ZBTB47: variants seen among roughly 807,000 people sequenced by gnomAD.
ZBTB47 encodes zinc finger and BTB domain-containing protein 47.
ZBTB47 carries 24 observed loss-of-function variants against 56.6 expected under a neutral mutation model. The ratio of observed to expected loss-of-function variants is 0.42; its 90% CI spans 0.31 to 0.60. The LOEUF (loss-of-function observed/expected upper bound fraction) is 0.60, where lower values mean the gene tolerates loss of function less well. ZBTB47 is among the 20% of genes least tolerant of loss of function. The pLI, the probability that ZBTB47 is intolerant of heterozygous loss-of-function variation, is 0.14. For missense variants in ZBTB47, 829 were observed against 1,032.6 expected (o/e 0.80, Z 2.70); for synonymous variants, 414 against 418.9 (o/e 0.99, Z 0.14).
rs764241871 is a variant in ZBTB47 at position 42,658,690 on chromosome 3, G to T, written c.335G>T (p.Arg112Leu). 1.3e-6 allele frequency: 2 copies of T among 1,536,126 alleles called. No homozygotes were observed. The highest frequency in any genetic ancestry group is 8.7e-7 in the Non-Finnish European group (1 of 1,146,828). The change falls in exon 2 of 6, where the codon CGC becomes CTC. Residue 112 changes from arginine (R) to leucine (L), a missense_variant. Coordinates refer to ENST00000232974, the MANE Select transcript of ZBTB47 (RefSeq NM_145166.4). Reference protein sequence around the residue: ...AASCQELLDARSLGPPGPGTV... With the variant: ...AASCQELLDALSLGPPGPGTV... ...TCCTGCCAAGAGCTGCTGGACGCCC[G>T]CTCTCTAGGCCCACCAGGTCCGGGC...
In ZBTB47 at chr3:42,659,362, G is replaced by T; in HGVS notation, c.1007G>T (p.Gly336Val). The change falls in exon 2 of 6, where the codon GGG (glycine) becomes GTG (valine). Residue 336 changes from glycine (G) to valine (V), a missense_variant. By Grantham distance (109) the Gly-to-Val change is moderately radical (BLOSUM62 -3). Around this residue, in one of 6 missense-constraint regions of ZBTB47, gnomAD observed 359 missense variants for 359.8 expected, o/e 1.00. Coordinates refer to ENST00000232974, the MANE Select transcript of ZBTB47 (RefSeq NM_145166.4). ...GAAGAGGAGGAGGAAGAGGAGGAAG[G>T]GCCTAGTGAGCAGGATCAAGAGAGC... ...EEEEEEEEEE[G>V]PSEQDQESSE... is the part of the protein sequence containing the mutation. The T allele has an allele frequency of 1.4e-6, 2 of 1,439,458 alleles. No individual in the cohort carries two copies. Among genetic ancestry groups the T allele is most frequent in the Non-Finnish European group, 1.8e-6 (2 of 1,084,234 alleles). The allele number at this position is 1,439,458 out of a possible 1,614,324, so 89.2% of individuals were successfully genotyped here. A position where few individuals can be genotyped will look rare whatever the true frequency, so the allele number is the denominator to read the frequency against.
rs1710613923 is a variant in ZBTB47 at position 42,654,595 on chromosome 3, G to T, written c.-82+712G>T. The T allele has an allele frequency of 1.2e-6, 1 of 829,484 alleles. No homozygotes were observed. Among genetic ancestry groups the T allele is most frequent in the Non-Finnish European group, 1.5e-6 (1 of 688,888 alleles). The allele number at this position is 829,484 out of a possible 1,614,324, so 51.4% of individuals were successfully genotyped here. On this transcript the variant is annotated intron_variant, in intron 1 of 5. Transcript: ENST00000232974. The surrounding 1 kb of genome is among the most constrained non-coding windows in gnomAD (Gnocchi z 5.0). ...CATGGTCGCGGGGCCCTGCGCGGGG[G>T]CGGCCCCCAGCGCGGCGCTTCATGG... is the stretch of plus-strand genomic sequence containing the variant.
chr3:42,658,801 C>G lies in ZBTB47; in HGVS notation c.446C>G (p.Pro149Arg). ...GACATCAAGCAGGAGGCCGACACCC[C>G]AGGCCTGCCCAAGATCTATGCCCGC... ...YCDIKQEADT[P>R]GLPKIYAREG... Residue 149 changes from proline to arginine, a missense_variant, in exon 2 of 6, where the codon CCA becomes CGA. Pro to Arg is a moderately radical substitution (Grantham distance 103, BLOSUM62 -2). Around this residue, in one of 6 missense-constraint regions of ZBTB47, gnomAD observed 359 missense variants for 359.8 expected, o/e 1.00. Transcript: ENST00000232974. 6.5e-7 allele frequency: 1 copy of G among 1,533,730 alleles called. No individual in the cohort carries two copies. Among genetic ancestry groups the G allele is most frequent in the Admixed American group, 2.0e-5 (1 of 50,780 alleles).
At position 42,664,650 on chromosome 3, in the gene ZBTB47, C is replaced by T; in HGVS notation, c.*52C>T. ...TGGGGCCTGGAGTCAGGGCCCACTC[C>T]AGGAGGGACCCACTGCCTTCCCGGG... On this transcript the variant is annotated 3_prime_UTR_variant, in exon 6 of 6. Coordinates refer to ENST00000232974, the MANE Select transcript of ZBTB47 (RefSeq NM_145166.4). 1 of 1,369,512 alleles carries T rather than the reference C, an allele frequency of 7.3e-7. No homozygotes were observed. The highest frequency in any genetic ancestry group is 9.4e-7 in the Non-Finnish European group (1 of 1,069,064). The allele number at this position is 1,369,512 out of a possible 1,614,324, so 84.8% of individuals were successfully genotyped here.
At position 42,653,847 on chromosome 3, in the gene ZBTB47, C is replaced by T. The variant is rs1710599361; in HGVS notation, c.-118C>T. The T allele has an allele frequency of 1.3e-5, 2 of 152,428 alleles. No individual in the cohort carries two copies. The highest frequency in any genetic ancestry group is 4.8e-5 in the African/African-American group (2 of 41,474). 9.4% of individuals were successfully genotyped at this position (152,428 alleles called of 1,614,324 possible). A position where few individuals can be genotyped will look rare whatever the true frequency, so the allele number is the denominator to read the frequency against. Reference sequence around the variant, plus strand: ...GTTGTAGTCCTGGGATTTAAATCTCCTGCCCTGGGTGGCCCTATGCAGCAT... The same window carrying T: ...GTTGTAGTCCTGGGATTTAAATCTCTTGCCCTGGGTGGCCCTATGCAGCAT... On this transcript the variant is annotated 5_prime_UTR_variant, in exon 1 of 6. Coordinates refer to ENST00000232974, the MANE Select transcript of ZBTB47 (RefSeq NM_145166.4).
chr3:42,660,691 G>A (rs1206785154), intron 2 of ZBTB47, among the ~76,000 whole-genome samples: 1 of 152,134 alleles, frequency 6.6e-6, no homozygotes, highest in Non-Finnish European at 1.5e-5. Flanking sequence ...AGTGTTACCC[G>A]GGGGTCACCT....
chr3:42,659,807 A>G lies in ZBTB47; in HGVS notation c.1452A>G (p.Thr484=). Residue 484 remains threonine (T), a synonymous_variant, in exon 2 of 6, where the codon ACA becomes ACG. Transcript: ENST00000232974. ...LESELLLHRQ[T]DCERNIQCVT... ...GCGAGCTGCTGCTGCACAGGCAGACAGACTGCGAGCGCAACATCCAGGTGG... is the reference window on the plus strand; with the variant it reads ...GCGAGCTGCTGCTGCACAGGCAGACGGACTGCGAGCGCAACATCCAGGTGG... 1 of 1,609,494 alleles carries G rather than the reference A, an allele frequency of 6.2e-7. No homozygotes were observed.
At chr3:42,661,669 A>G (rs1710723629) in intron 3 of ZBTB47, 37 bp downstream of exon 3, 2 of 1,609,540 alleles carry the variant, frequency 1.2e-6, no homozygotes, top group African/African-American at 2.7e-5. Context: ...GCCAGAGGAT[A>G]GAGATGGACC....
chr3:42,661,038 A>T (rs1710710534), intron 2 of ZBTB47, among the ~76,000 whole-genome samples: 1 of 152,150 alleles, frequency 6.6e-6, no homozygotes, highest in South Asian at 2.1e-4. Context: ...TCTTGGCGAT[A>T]TTCATGGTGT....
rs755191804 is a variant in ZBTB47 at position 42,661,550 on chromosome 3, C to T, written c.1539C>T (p.His513=). 1.7e-5 allele frequency: 28 copies of T among 1,613,930 alleles called. No individual in the cohort carries two copies. In the Middle Eastern group the frequency reaches 4.9e-4, roughly 28 times the overall value. Residue 513 remains histidine, a synonymous_variant, in exon 3 of 6, where the codon CAC becomes CAT. Transcript: ENST00000232974. ...WSLHEHNKIV[H]GYAEKKFSCE... is the part of the protein sequence containing the mutation. Reference sequence around the variant, plus strand: ...TCCATGAGCATAACAAGATTGTGCACGGCTACGCAGAGAAGAAGTTCTCAT... The same window carrying T: ...TCCATGAGCATAACAAGATTGTGCATGGCTACGCAGAGAAGAAGTTCTCAT...
chr3:42,661,862 G>A (rs968643900), intron 3 of ZBTB47, among the ~76,000 whole-genome samples: 1 of 152,246 alleles, frequency 6.6e-6, no homozygotes, highest in Non-Finnish European at 1.5e-5. Flanking sequence ...AGGGTGCCTG[G>A]ACAAGATGGC....
chr3:42,654,889 T>C lies in ZBTB47; in HGVS notation c.-82+1006T>C, dbSNP rs1385924350. Reference sequence around the variant, plus strand: ...GCGCTGCTCTCGGTGGGGAGGGGGTTAAATTCCTGTGGTGGGGGCGCCGGC... The same window carrying C: ...GCGCTGCTCTCGGTGGGGAGGGGGTCAAATTCCTGTGGTGGGGGCGCCGGC... On this transcript the variant is annotated intron_variant, in intron 1 of 5. Coordinates refer to ENST00000232974, the MANE Select transcript of ZBTB47 (RefSeq NM_145166.4). This position sits in a 1 kb window ranked among gnomAD's most constrained non-coding sequence, Gnocchi z 5.0. Among the ~76,000 whole-genome samples, 1 of 144,892 alleles carries C rather than the reference T, an allele frequency of 6.9e-6. No homozygotes were observed. The highest frequency in any genetic ancestry group is 2.2e-4 in the South Asian group (1 of 4,518).
intron 3 of ZBTB47, 63 bp downstream of exon 3, chr3:42,661,695 G>A: frequency 6.3e-7 from 1 of 1,587,726 alleles, no homozygotes; most frequent in South Asian, 1.1e-5. Context: ...CTGGCTGGTG[G>A]ATGGGAAAGA....
chr3:42,660,940 G>A (rs1396752104), intron 2 of ZBTB47, among the ~76,000 whole-genome samples: 1 of 152,140 alleles, frequency 6.6e-6, no homozygotes, highest in African/African-American at 2.4e-5. Flanking sequence ...GGGGGATATG[G>A]TCCCCAAGAT....
Position 42,654,306 on chromosome 3 carries a change from G to C in ZBTB47, c.-82+423G>C, listed in dbSNP as rs1020060004. 8 of 150,134 alleles carry C rather than the reference G, an allele frequency of 5.3e-5. No homozygotes were observed. The highest frequency in any genetic ancestry group is 1.7e-4 in the African/African-American group (7 of 41,110). The allele number at this position is 150,134 out of a possible 1,614,324, so 9.3% of individuals were successfully genotyped here. ...AGCAGTGGGGACGGGCTGGGGGCTG[G>C]AGCTGGGGCTGGGGGTGGAGGGCAG... On this transcript the variant is annotated intron_variant, in intron 1 of 5. Coordinates refer to ENST00000232974, the MANE Select transcript of ZBTB47 (RefSeq NM_145166.4). The surrounding 1 kb of genome is among the most constrained non-coding windows in gnomAD (Gnocchi z 5.0).
Position 42,666,367 on chromosome 3 carries a change from C to A in ZBTB47, c.*1769C>A, listed in dbSNP as rs1710788957. ...GGAAGAAGGCTTCTGGTCAGGACCCCCACCCCAAGGCTGGGGACTCCAGGC... is the reference window on the plus strand; with the variant it reads ...GGAAGAAGGCTTCTGGTCAGGACCCACACCCCAAGGCTGGGGACTCCAGGC... On this transcript the variant is annotated 3_prime_UTR_variant, in exon 6 of 6. Coordinates refer to ENST00000232974, the MANE Select transcript of ZBTB47 (RefSeq NM_145166.4). Among the ~76,000 whole-genome samples the A allele has an allele frequency of 6.6e-6, 1 of 152,148 alleles. No individual in the cohort carries two copies. Among genetic ancestry groups the A allele is most frequent in the Non-Finnish European group, 1.5e-5 (1 of 68,026 alleles).
At position 42,664,815 on chromosome 3, in the gene ZBTB47, C is replaced by A. The variant is rs1006411806; in HGVS notation, c.*217C>A. On this transcript the variant is annotated 3_prime_UTR_variant, in exon 6 of 6. Coordinates refer to ENST00000232974, the MANE Select transcript of ZBTB47 (RefSeq NM_145166.4). ...AGGGCATCTCACTCCCAAGTGCCCC[C>A]CCTTTCTGTGACTCCTTGAAGCCTT... 1.1e-5 allele frequency: 5 copies of A among 440,346 alleles called. No homozygotes were observed. In the Admixed American group the frequency reaches 1.8e-4, roughly 16 times the overall value. The allele number at this position is 440,346 out of a possible 1,614,324, so 27.3% of individuals were successfully genotyped here. A position where few individuals can be genotyped will look rare whatever the true frequency, so the allele number is the denominator to read the frequency against.
Position 42,656,128 on chromosome 3 carries a change from A to G in ZBTB47, c.-81-2147A>G, listed in dbSNP as rs948930329. 6.6e-6 allele frequency among the ~76,000 whole-genome samples: 1 copy of G among 152,148 alleles called. No individual in the cohort carries two copies. The highest frequency in any genetic ancestry group is 1.5e-5 in the Non-Finnish European group (1 of 68,012). On this transcript the variant is annotated intron_variant, in intron 1 of 5. Transcript: ENST00000232974. The surrounding 1 kb of genome is among the most constrained non-coding windows in gnomAD (Gnocchi z 5.8). ...TCTCCTGCCAGTCTTTGGCCCCTGG[A>G]GGCCCTAAGGAGCCCCTGTTGCAAC...
At chr3:42,661,972 T>C (rs1710727614) in intron 3 of ZBTB47, among the ~76,000 whole-genome samples, 1 of 152,256 alleles carries the variant, frequency 6.6e-6, no homozygotes, top group South Asian at 2.1e-4. Flanking sequence ...TTCCTAATTA[T>C]ACAAAGTGCT....
Sources: gnomAD v4.1 joint callset for allele counts (sites outside exome capture counted in the v4.1 genomes callset) on GRCh38, gnomAD v4.1.1 for gene constraint, gnomAD v4.1.1 regional missense constraint, Gnocchi (gnomAD v3.1) non-coding constraint, MANE v1.5 for transcripts, NCBI Gene and HGNC (gene_info 2026-07-23, HGNC 2026-07-21) for gene names.